PC: variants seen among roughly 807,000 people sequenced by gnomAD.
The protein encoded by PC is pyruvate carboxylase, mitochondrial.
PC carries 46 observed loss-of-function variants against 107.8 expected under a neutral mutation model. That is an observed-to-expected ratio of 0.43 (90% CI 0.34 to 0.55). The LOEUF (loss-of-function observed/expected upper bound fraction) is 0.55, where lower values mean the gene tolerates loss of function less well. Among genes scored for constraint, PC ranks in the 20% least tolerant of loss-of-function variants. PC has a pLI of 0.04. For synonymous variants in PC, 662 were observed against 684.7 expected, an observed-to-expected ratio of 0.97 and a Z score of 0.52; for missense variants, 1,241 against 1,643.1, an observed-to-expected ratio of 0.76 and a Z score of 4.23.
At chr11:66,855,279 G>C (rs961576617) in intron 12 of PC, among the ~76,000 whole-genome samples, 4 of 152,214 alleles carry the variant, frequency 2.6e-5, no homozygotes, top group African/African-American at 7.2e-5. Flanking sequence ...CCCAGCACTG[G>C]GTGGCCATGG....
At chr11:66,952,310 C>A (rs923645523) in intron 3 of PC, 120 bp downstream of exon 3, 2 of 152,184 alleles carry the variant, frequency 1.3e-5, no homozygotes, top group Non-Finnish European at 2.9e-5. Flanking sequence ...CAAATCAGAG[C>A]GCAGCCTTTT....
At chr11:66,916,488 A>G (rs1343624058) in intron 3 of PC, among the ~76,000 whole-genome samples, 1 of 152,178 alleles carries the variant, frequency 6.6e-6, no homozygotes, top group Non-Finnish European at 1.5e-5. Context: ...ACTCACCTCA[A>G]TTTCTGGGGG....
chr11:66,857,512 G>A lies in PC; in HGVS notation c.1369-4129C>T. ...TGCCTCATGCCTCACCTTGTCCCCA[G>A]CGCCTGGACTCCCCCTTAACTGCTT... On this transcript the variant is annotated intron_variant, in intron 12 of 22. Coordinates refer to ENST00000393960, the MANE Select transcript of PC (RefSeq NM_001040716.2). The surrounding 1 kb of genome is among the most constrained non-coding windows in gnomAD (Gnocchi z 7.1). The A allele has an allele frequency of 2.0e-6, 1 of 507,908 alleles. No homozygotes were observed. Among genetic ancestry groups the A allele is most frequent in the Admixed American group, 3.5e-5 (1 of 28,412 alleles). 31.5% of individuals were successfully genotyped at this position (507,908 alleles called of 1,614,324 possible).
intron 3 of PC, among the ~76,000 whole-genome samples, chr11:66,941,338 T>C (rs545117925): frequency 1.3e-5 from 2 of 152,264 alleles, no homozygotes; most frequent in African/African-American, 2.4e-5. Context: ...CAATCAGGTA[T>C]ATATCCAAAA....
chr11:66,887,756 G>A (rs1384102925), intron 3 of PC, among the ~76,000 whole-genome samples: 1 of 152,222 alleles, frequency 6.6e-6, no homozygotes, highest in East Asian at 1.9e-4. Flanking sequence ...AGCGCCTGGA[G>A]TGATGCCAAA....
At chr11:66,850,183 G>A (rs1945392514) in intron 19 of PC, 37 bp downstream of exon 19, 1 of 1,613,684 alleles carries the variant, frequency 6.2e-7, no homozygotes, top group Non-Finnish European at 8.5e-7. Flanking sequence ...GGTGCATGCA[G>A]GGCTGGGTCA....
At position 66,952,289 on chromosome 11, in the gene PC, GA is replaced by G. The variant is rs1164336193; in HGVS notation, c.-1+140del. ...GGAAACAGACAAGACTGCTTAAACG[GA>G]TATTATCCACAAATCAGAGCGCAGC... On this transcript the variant is annotated intron_variant, in intron 3 of 22. Transcript: ENST00000393960. The G allele has an allele frequency of 2.6e-5, 4 of 152,212 alleles. 1 individual carries two copies. The highest frequency in any genetic ancestry group is 4.1e-4 in the South Asian group (2 of 4,826). 9.4% of individuals were successfully genotyped at this position (152,212 alleles called of 1,614,324 possible).
intron 12 of PC, chr11:66,860,078 C>G: frequency 1.9e-6 from 3 of 1,557,852 alleles, no homozygotes; most frequent in Non-Finnish European, 2.6e-6. Flanking sequence ...ACGGTTATGC[C>G]AGGCGCCTGG....
chr11:66,903,442 A>T (rs1310313303), intron 3 of PC, among the ~76,000 whole-genome samples: 1 of 152,152 alleles, frequency 6.6e-6, no homozygotes, highest in African/African-American at 2.4e-5. Context: ...TTATTATTTT[A>T]AAAAATATAT....
intron 3 of PC, among the ~76,000 whole-genome samples, chr11:66,937,300 C>T (rs1949023447): frequency 6.6e-6 from 1 of 152,210 alleles, no homozygotes; most frequent in Non-Finnish European, 1.5e-5. Flanking sequence ...GTGTTCATCC[C>T]ACTATCTCCT....
At position 66,852,911 on chromosome 11, in the gene PC, G is replaced by A; in HGVS notation, c.1514-75C>T. On this transcript the variant is annotated intron_variant, in intron 13 of 22. Transcript: ENST00000393960. The surrounding 1 kb of genome is among the most constrained non-coding windows in gnomAD (Gnocchi z 4.7). ...TCGAGGGCAGCAGTGAGAGTGGCTG[G>A]GCTCAGGGACAGGGACACATCCCTC... 11 of 1,153,306 alleles carry A rather than the reference G, an allele frequency of 9.5e-6. No individual in the cohort carries two copies. The highest frequency in any genetic ancestry group is 1.4e-5 in the Non-Finnish European group (11 of 806,396). 71.4% of individuals were successfully genotyped at this position (1,153,306 alleles called of 1,614,324 possible).
At position 66,863,885 on chromosome 11, in the gene PC, C is replaced by T. The variant is rs1417266857; in HGVS notation, c.1257G>A (p.Ser419=). The change falls in exon 12 of 23, where the codon TCG becomes TCA. Residue 419 remains serine, a synonymous_variant. Coordinates refer to ENST00000393960, the MANE Select transcript of PC (RefSeq NM_001040716.2). ...TGACCAGCAGGGAGTCGTAGTGGGG[C>T]GAGATGACGGCTCCTTGGAAGGCGG... The part of the protein sequence containing the change: ...NASAFQGAVI[S]PHYDSLLVKV... The T allele has an allele frequency of 3.7e-6, 6 of 1,613,860 alleles. No homozygotes were observed. The highest frequency in any genetic ancestry group is 3.4e-6 in the Non-Finnish European group (4 of 1,180,004).
intron 3 of PC, among the ~76,000 whole-genome samples, chr11:66,935,004 T>C (rs1258169703): frequency 6.6e-6 from 1 of 152,236 alleles, no homozygotes; most frequent in African/African-American, 2.4e-5. Context: ...TATGCAAGCA[T>C]GTATTTTGTC....
At chr11:66,957,515 C>G (rs1188326164) in intron 1 of PC, among the ~76,000 whole-genome samples, 1 of 152,192 alleles carries the variant, frequency 6.6e-6, no homozygotes, top group African/African-American at 2.4e-5. Flanking sequence ...CACTGGGGGA[C>G]TGTGGCAGGA....
intron 3 of PC, among the ~76,000 whole-genome samples, chr11:66,897,743 C>T (rs969358018): frequency 2.6e-5 from 4 of 152,144 alleles, no homozygotes; most frequent in African/African-American, 9.7e-5. Flanking sequence ...CCCTGGTTAG[C>T]GAGTACAGGT....
intron 17 of PC, 27 bp from the exon 18 acceptor site, chr11:66,850,950 A>G (rs770996631): frequency 1.9e-6 from 3 of 1,607,068 alleles, no homozygotes; most frequent in African/African-American, 2.7e-5. Context: ...AGAGAGAGAG[A>G]GAGATGGTAG....
At chr11:66,946,774 G>A (rs1459821300) in intron 3 of PC, among the ~76,000 whole-genome samples, 1 of 152,134 alleles carries the variant, frequency 6.6e-6, no homozygotes, top group Non-Finnish European at 1.5e-5. Flanking sequence ...GGGGCACAGA[G>A]CAAGACCCTG....
intron 12 of PC, chr11:66,859,963 A>G (rs1405821991): frequency 6.2e-7 from 1 of 1,601,398 alleles, no homozygotes; most frequent in Non-Finnish European, 8.5e-7. Flanking sequence ...GTCCAGTCCC[A>G]GACCAATGGA....
chr11:66,942,127 G>C (rs1177666307), intron 3 of PC, among the ~76,000 whole-genome samples: 27 of 146,794 alleles, frequency 1.8e-4, no homozygotes, highest in Admixed American at 3.4e-4. Flanking sequence ...TGCTGGGCGC[G>C]GTGGCTCATG....
Sources: gnomAD v4.1 joint callset for allele counts (sites outside exome capture counted in the v4.1 genomes callset) on GRCh38, gnomAD v4.1.1 for gene constraint, Gnocchi (gnomAD v3.1) non-coding constraint, MANE v1.5 for transcripts, NCBI Gene and HGNC (gene_info 2026-07-23, HGNC 2026-07-21) for gene names.